The following PTPRA variants were observed in gnomAD, a reference collection of about 807,000 sequenced individuals.
PTPRA encodes the protein protein tyrosine phosphatase receptor type A.
Under a neutral mutation model 104.8 loss-of-function variants are expected in PTPRA, and 25 were observed. The ratio of observed to expected loss-of-function variants is 0.24; its 90% CI spans 0.17 to 0.33. The LOEUF is 0.33. Among genes scored for constraint, PTPRA ranks in the 10% least tolerant of loss-of-function variants. The pLI is 1.00. For missense variants in PTPRA, 765 were observed against 1,015.3 expected (o/e 0.75, Z 3.35); for synonymous variants, 323 against 368.9 (o/e 0.88, Z 1.43).
chr20:3,027,814 G>A lies in PTPRA; in HGVS notation c.1893G>A (p.Met631Ile). 2.5e-6 allele frequency: 4 copies of A among 1,614,184 alleles called. No individual in the cohort carries two copies. Among genetic ancestry groups the A allele is most frequent in the Non-Finnish European group, 3.4e-6 (4 of 1,180,030 alleles). The change falls in exon 20 of 24, where the codon ATG becomes ATA. Residue 631 changes from methionine (M) to isoleucine (I), a missense_variant. Transcript: ENST00000399903. The stretch of plus-strand genomic sequence containing the variant: ...AGTGGAAATCCTGCTCTATCGTGAT[G>A]CTAACAGAACTGGAGGAGAGAGGCC... Reference protein sequence around the residue: ...IWEWKSCSIVMLTELEERGQE... With the variant: ...IWEWKSCSIVILTELEERGQE...
chr20:3,025,452 CAAAA>C (rs11087563), intron 17 of PTPRA, among the ~76,000 whole-genome samples: 8 of 108,450 alleles, frequency 7.4e-5, no homozygotes, highest in Admixed American at 2.8e-4. Context: ...GACTCCATCT[CAAAA>C]AAAAAAAAAA....
chr20:2,907,371 T>C (rs1049139659), intron 1 of PTPRA, among the ~76,000 whole-genome samples: 5 of 151,992 alleles, frequency 3.3e-5, no homozygotes, highest in Admixed American at 1.3e-4. Flanking sequence ...GCTGTGTGCC[T>C]GGGCAAGTCA....
intron 5 of PTPRA, among the ~76,000 whole-genome samples, chr20:2,970,216 C>T (rs1312840526): frequency 1.3e-5 from 2 of 152,240 alleles, no homozygotes; most frequent in African/African-American, 4.8e-5. Context: ...ATAAACAATA[C>T]AGTTTGTCAT....
intron 5 of PTPRA, among the ~76,000 whole-genome samples, chr20:2,972,557 A>G (rs762528440): frequency 6.6e-6 from 1 of 151,662 alleles, no homozygotes; most frequent in Non-Finnish European, 1.5e-5. Flanking sequence ...ATTATTTCTT[A>G]TTTTTTTCAT....
chr20:2,886,112 T>A (rs1214448832), intron 1 of PTPRA, among the ~76,000 whole-genome samples: 2 of 152,126 alleles, frequency 1.3e-5, no homozygotes, highest in Non-Finnish European at 2.9e-5. Flanking sequence ...TAAGTATAGA[T>A]CTTGTTTAGA....
intron 1 of PTPRA, among the ~76,000 whole-genome samples, chr20:2,892,513 C>T (rs146482135): frequency 4.6e-5 from 7 of 152,198 alleles, no homozygotes; most frequent in African/African-American, 1.7e-4. Context: ...GACAATTTCT[C>T]ATGGTGCTGG....
intron 2 of PTPRA, among the ~76,000 whole-genome samples, chr20:2,934,067 C>T (rs1297488244): frequency 3.9e-5 from 6 of 152,086 alleles, no homozygotes; most frequent in South Asian, 2.1e-4. Context: ...CTAATTTTTG[C>T]TGAGTAGTTC....
At chr20:2,941,813 A>G (rs1363979715) in intron 2 of PTPRA, among the ~76,000 whole-genome samples, 2 of 152,038 alleles carry the variant, frequency 1.3e-5, no homozygotes, top group Non-Finnish European at 1.5e-5. Context: ...TGCCTCCCTG[A>G]TTCCTGTTCA....
chr20:3,017,746 A>G, intron 12 of PTPRA, 70 bp from the exon 13 acceptor site: 2 of 1,373,030 alleles, frequency 1.5e-6, no homozygotes, highest in Non-Finnish European at 2.1e-6. Flanking sequence ...TCAGGAATGG[A>G]TGTTCCCAGC....
chr20:3,000,942 T>C (rs1282162500), intron 9 of PTPRA, among the ~76,000 whole-genome samples: 2 of 152,194 alleles, frequency 1.3e-5, no homozygotes, highest in South Asian at 2.1e-4. Context: ...AGAGAGCTTC[T>C]AAGTTAAATT....
intron 2 of PTPRA, among the ~76,000 whole-genome samples, chr20:2,936,764 C>T (rs1177704955): frequency 1.3e-5 from 2 of 152,092 alleles, no homozygotes; most frequent in Non-Finnish European, 2.9e-5. Context: ...TAAACCATTA[C>T]ACGTGGTCTA....
intron 5 of PTPRA, among the ~76,000 whole-genome samples, chr20:2,974,941 G>A (rs1348074647): frequency 1.3e-5 from 2 of 152,100 alleles, no homozygotes; most frequent in African/African-American, 4.8e-5. Context: ...TTTTAATGGA[G>A]CAAAAGACAT....
chr20:2,900,262 G>C (rs1445944738), intron 1 of PTPRA, among the ~76,000 whole-genome samples: 1 of 151,946 alleles, frequency 6.6e-6, no homozygotes, highest in East Asian at 1.9e-4. Context: ...TCTCGCCTCA[G>C]ACTCCTGAGT....
chr20:2,999,953 G>A (rs1600233054), intron 9 of PTPRA, among the ~76,000 whole-genome samples: 2 of 152,108 alleles, frequency 1.3e-5, no homozygotes, highest in East Asian at 3.9e-4. Context: ...GATAAAGGAA[G>A]AGTATCCAGA....
intron 9 of PTPRA, among the ~76,000 whole-genome samples, chr20:2,992,805 G>A (rs1013601547): frequency 1.3e-5 from 2 of 152,098 alleles, no homozygotes; most frequent in African/African-American, 4.8e-5. Flanking sequence ...CAATAAATTG[G>A]TCAGAGGCTG....
rs1440051948 is a variant in PTPRA at position 3,035,552 on chromosome 20, T to C, written c.1921-33T>C. Reference sequence around the variant, plus strand: ...TGCTGCTTCTACACATGTGGTACTCTGAGCTCCTCACCTCTCCAACCTGTC... The same window carrying C: ...TGCTGCTTCTACACATGTGGTACTCCGAGCTCCTCACCTCTCCAACCTGTC... On this transcript the variant is annotated intron_variant, in intron 20 of 23. Coordinates refer to ENST00000399903, the MANE Select transcript of PTPRA (RefSeq NM_001385305.1). The surrounding 1 kb of genome is among the most constrained non-coding windows in gnomAD (Gnocchi z 5.8). 1 of 1,593,022 alleles carries C rather than the reference T, an allele frequency of 6.3e-7. No homozygotes were observed. Among genetic ancestry groups the C allele is most frequent in the Non-Finnish European group, 8.6e-7 (1 of 1,161,880 alleles).
intron 17 of PTPRA, among the ~76,000 whole-genome samples, chr20:3,024,861 G>A (rs1487927671): frequency 6.6e-6 from 1 of 150,794 alleles, no homozygotes; most frequent in African/African-American, 2.5e-5. Context: ...CTAGCCCTCC[G>A]AGGTGATTAT....
At position 2,910,578 on chromosome 20, in the gene PTPRA, G is replaced by GTTTCT. The variant is rs1337126801; in HGVS notation, c.-128-12626_-128-12625insCTTTT. 6.3e-3 allele frequency among the ~76,000 whole-genome samples: 203 copies of GTTTCT among 32,394 alleles called. 7 individuals are homozygous for GTTTCT. The highest frequency in any genetic ancestry group is 0.011 in the East Asian group (6 of 560). The allele number at this position is 32,394 out of a possible 152,430, so 21.3% of individuals were successfully genotyped here. ...AGGTGTGTGCTATCATGCCCAGCTA[G>GTTTCT]TTTTTTTTTTGTTTTTTTTTTGTTT... On this transcript the variant is annotated intron_variant, in intron 1 of 23. Transcript: ENST00000399903.
At chr20:2,962,552 A>G (rs2061792743) in intron 3 of PTPRA, among the ~76,000 whole-genome samples, 1 of 152,170 alleles carries the variant, frequency 6.6e-6, no homozygotes, top group East Asian at 1.9e-4. Context: ...TCAGCCTTCC[A>G]CTTGTTGTTT....
Sources: allele counts gnomAD v4.1 joint callset (sites outside exome capture counted in the v4.1 genomes callset), GRCh38; gene constraint gnomAD v4.1.1; non-coding constraint Gnocchi (gnomAD v3.1); transcripts MANE v1.5; gene names NCBI Gene and HGNC (gene_info 2026-07-23, HGNC 2026-07-21).